The following DNAH11 variants were observed in gnomAD, a reference collection of about 807,000 sequenced individuals.
DNAH11 encodes dynein axonemal heavy chain 11, also known as axonemal beta dynein heavy chain 11.
Under a neutral mutation model 526.0 loss-of-function variants are expected in DNAH11, and 442 were observed. The ratio of observed to expected loss-of-function variants is 0.84; its 90% CI spans 0.78 to 0.91. The LOEUF (loss-of-function observed/expected upper bound fraction) is 0.91, where lower values mean the gene tolerates loss of function less well. Ranked by LOEUF, DNAH11 falls within the 40% of genes least tolerant of loss-of-function variation. The pLI is 0.00. For missense variants in DNAH11, 6,989 were observed against 5,448.7 expected (o/e 1.28, Z -8.90); for synonymous variants, 2,461 against 1,935.9 (o/e 1.27, Z -7.12).
intron 14 of DNAH11, among the ~76,000 whole-genome samples, chr7:21,595,698 A>T (rs1293747752): frequency 6.6e-6 from 1 of 152,050 alleles, no homozygotes; most frequent in Non-Finnish European, 1.5e-5. Flanking sequence ...GGGCTATTGG[A>T]TTTACTCATT....
chr7:21,618,991 G>A, intron 23 of DNAH11, 109 bp from the exon 24 acceptor site: 1 of 1,356,484 alleles, frequency 7.4e-7, no homozygotes, highest in Non-Finnish European at 1.0e-6. Flanking sequence ...GATGTACTCA[G>A]CACCTGACTT....
chr7:21,636,298 C>G (rs1005234140), intron 26 of DNAH11, among the ~76,000 whole-genome samples: 3 of 152,100 alleles, frequency 2.0e-5, no homozygotes, highest in Admixed American at 2.0e-4. Context: ...GCTGCCATTA[C>G]AACATGAAAG....
chr7:21,851,934 G>A (rs1782656292), intron 66 of DNAH11, among the ~76,000 whole-genome samples: 1 of 152,114 alleles, frequency 6.6e-6, no homozygotes, highest in East Asian at 1.9e-4. Context: ...GGTTCATGAT[G>A]TTAAATTATT....
chr7:21,617,476 G>A, intron 22 of DNAH11, 143 bp from the exon 23 acceptor site: 15 of 940,828 alleles, frequency 1.6e-5, no homozygotes, highest in Middle Eastern at 3.4e-4. Context: ...CGTTTCTCTG[G>A]TTTTGCTCCT....
At chr7:21,856,420 G>A (rs991691944) in intron 68 of DNAH11, among the ~76,000 whole-genome samples, 5 of 152,178 alleles carry the variant, frequency 3.3e-5, no homozygotes, top group Non-Finnish European at 5.9e-5. Context: ...AACAAGCACA[G>A]TGTGGTTGGA....
At chr7:21,752,448 A>G (rs554030874) in intron 54 of DNAH11, among the ~76,000 whole-genome samples, 2 of 152,224 alleles carry the variant, frequency 1.3e-5, no homozygotes, top group East Asian at 3.9e-4. Context: ...TTTCTATTGG[A>G]TTGTACATAT....
At chr7:21,832,566 A>G (rs764258403) in intron 65 of DNAH11, among the ~76,000 whole-genome samples, 19 of 152,242 alleles carry the variant, frequency 1.2e-4, no homozygotes, top group Non-Finnish European at 2.1e-4. Flanking sequence ...CAATTTGCCA[A>G]TCTGTGTCTG....
intron 2 of DNAH11, among the ~76,000 whole-genome samples, chr7:21,546,440 T>C (rs1341908052): frequency 6.6e-6 from 1 of 152,224 alleles, no homozygotes; most frequent in African/African-American, 2.4e-5. Context: ...TTTGGTTCAA[T>C]ATGAGAATCT....
At chr7:21,685,673 G>A (rs747729583) in intron 32 of DNAH11, among the ~76,000 whole-genome samples, 22 of 152,172 alleles carry the variant, frequency 1.4e-4, no homozygotes, top group Non-Finnish European at 2.6e-4. Flanking sequence ...GAAGGATGCC[G>A]GTTAAGCTGC....
intron 20 of DNAH11, among the ~76,000 whole-genome samples, chr7:21,609,556 G>A (rs1785434833): frequency 7.0e-6 from 1 of 142,446 alleles, no homozygotes; most frequent in South Asian, 2.3e-4. Context: ...AATGGAATTA[G>A]TGTAAGTGAT....
At chr7:21,733,371 A>G (rs904005579) in intron 45 of DNAH11, among the ~76,000 whole-genome samples, 25 of 152,156 alleles carry the variant, frequency 1.6e-4, no homozygotes, top group African/African-American at 6.0e-4. Flanking sequence ...CTCAGCAACA[A>G]GAGCGAGACT....
At chr7:21,828,731 CTTAT>C (rs1371165655) in intron 65 of DNAH11, among the ~76,000 whole-genome samples, 3 of 140,350 alleles carry the variant, frequency 2.1e-5, no homozygotes, top group Non-Finnish European at 3.1e-5. Flanking sequence ...AAATAATCTA[CTTAT>C]GACTTTTTTT....
At chr7:21,545,878 G>C (rs1329117328) in intron 2 of DNAH11, among the ~76,000 whole-genome samples, 4 of 152,174 alleles carry the variant, frequency 2.6e-5, no homozygotes, top group Admixed American at 6.5e-5. Context: ...CTAGAACCTG[G>C]CTCTCAAACT....
chr7:21,784,837 G>A (rs2127985906), intron 58 of DNAH11, among the ~76,000 whole-genome samples: 1 of 152,240 alleles, frequency 6.6e-6, no homozygotes, highest in Admixed American at 6.5e-5. Flanking sequence ...TTGGTAACTG[G>A]ATTTGACCCA....
chr7:21,871,858 C>T lies in DNAH11; in HGVS notation c.11968-1416C>T, dbSNP rs575852172. On this transcript the variant is annotated intron_variant, in intron 73 of 81. Coordinates refer to ENST00000409508, the MANE Select transcript of DNAH11 (RefSeq NM_001277115.2). ...CCTTCATTGGCAGGATGGGGTGGCT[C>T]AAGCCTGTAATCCCAGCACTTTGGG... Among the ~76,000 whole-genome samples the T allele has an allele frequency of 8.6e-5, 13 of 151,708 alleles. No homozygotes were observed. The South Asian group carries it at 2.7e-3, about 32-fold the overall frequency.
At chr7:21,643,453 A>G (rs555434306) in intron 28 of DNAH11, among the ~76,000 whole-genome samples, 1 of 152,196 alleles carries the variant, frequency 6.6e-6, no homozygotes, top group South Asian at 2.1e-4. Flanking sequence ...GGAGAAGCTA[A>G]TCCACAATAG....
intron 65 of DNAH11, 23 bp downstream of exon 65, chr7:21,818,362 C>T (rs1320377491): frequency 6.2e-7 from 1 of 1,600,256 alleles, no homozygotes; most frequent in Non-Finnish European, 8.5e-7. Context: ...GAATTTTTAA[C>T]ATATATATCT....
chr7:21,790,695 G>A (rs1788443759), intron 61 of DNAH11, among the ~76,000 whole-genome samples: 1 of 152,138 alleles, frequency 6.6e-6, no homozygotes, highest in Admixed American at 6.5e-5. Flanking sequence ...GGATGGGAAA[G>A]GTGTTCCTGA....
chr7:21,887,568 A>C (rs1354002180), intron 76 of DNAH11, among the ~76,000 whole-genome samples: 1 of 152,206 alleles, frequency 6.6e-6, no homozygotes, highest in African/African-American at 2.4e-5. Flanking sequence ...TTGGTTTCAT[A>C]ATCTACAAAA....
Sources: gnomAD v4.1 joint callset for allele counts (sites outside exome capture counted in the v4.1 genomes callset) on GRCh38, gnomAD v4.1.1 for gene constraint, MANE v1.5 for transcripts, NCBI Gene and HGNC (gene_info 2026-07-23, HGNC 2026-07-21) for gene names.